Variants in SNTG2 observed in about 807,000 individuals in gnomAD.
SNTG2 encodes the protein gamma-2-syntrophin.
SNTG2 carries 74 observed loss-of-function variants against 70.9 expected under a neutral mutation model. The observed-to-expected ratio is 1.04, with a 90% confidence interval of 0.86 to 1.27. The LOEUF is 1.27. Ranked by LOEUF, SNTG2 falls within the 50% of genes most tolerant of loss-of-function variation. SNTG2 has a pLI of 0.00. For synonymous variants in SNTG2, 278 were observed against 273.8 expected (o/e 1.02, Z -0.15); for missense variants, 717 against 690.7 (o/e 1.04, Z -0.43).
intron 1 of SNTG2, among the ~76,000 whole-genome samples, chr2:1,073,207 T>C (rs1368221730): frequency 6.6e-6 from 1 of 152,230 alleles, no homozygotes; most frequent in Non-Finnish European, 1.5e-5. Context: ...TTGTACTGTG[T>C]GTAAAATTCT....
At chr2:1,183,196 C>A (rs1397442088) in intron 8 of SNTG2, among the ~76,000 whole-genome samples, 2 of 151,962 alleles carry the variant, frequency 1.3e-5, no homozygotes, top group African/African-American at 4.8e-5. Context: ...TTTTATTTTT[C>A]CTTGCTATCC....
At chr2:1,153,053 G>A (rs1171680971) in intron 6 of SNTG2, among the ~76,000 whole-genome samples, 1 of 151,904 alleles carries the variant, frequency 6.6e-6, no homozygotes, top group Admixed American at 6.6e-5. Flanking sequence ...GAACCCAGGA[G>A]GCGGAGGTTG....
chr2:1,012,421 G>A (rs1037413378), intron 1 of SNTG2, among the ~76,000 whole-genome samples: 1 of 152,224 alleles, frequency 6.6e-6, no homozygotes, highest in African/African-American at 2.4e-5. Flanking sequence ...CTACAGCTGG[G>A]TGGGTGGGTA....
At chr2:1,022,874 C>T (rs73908658) in intron 1 of SNTG2, among the ~76,000 whole-genome samples, 4,798 of 152,170 alleles carry the variant, frequency 0.032, 195 homozygotes, top group African/African-American at 0.088. Context: ...AATCCATAGA[C>T]CTTGAGAAAC....
intron 12 of SNTG2, among the ~76,000 whole-genome samples, chr2:1,253,795 C>A (rs933013192): frequency 2.0e-5 from 3 of 152,120 alleles, no homozygotes; most frequent in African/African-American, 7.2e-5. Context: ...AGGAAACTTA[C>A]AGTGTGGCAG....
chr2:1,066,298 A>G (rs1357671916), intron 1 of SNTG2, among the ~76,000 whole-genome samples: 1 of 152,210 alleles, frequency 6.6e-6, no homozygotes, highest in African/African-American at 2.4e-5. Context: ...TGAATATGAC[A>G]AATGAGGCAA....
chr2:1,125,025 A>G (rs1341350938), intron 4 of SNTG2, among the ~76,000 whole-genome samples: 1 of 152,186 alleles, frequency 6.6e-6, no homozygotes, highest in Non-Finnish European at 1.5e-5. Flanking sequence ...TATAGTAACC[A>G]TTTTACTATC....
At chr2:1,348,933 A>G (rs1009039112) in intron 16 of SNTG2, among the ~76,000 whole-genome samples, 1 of 152,216 alleles carries the variant, frequency 6.6e-6, no homozygotes, top group Non-Finnish European at 1.5e-5. Flanking sequence ...CCAGTGGGTT[A>G]TTCTTGACTG....
chr2:1,059,884 A>G (rs917239228), intron 1 of SNTG2, among the ~76,000 whole-genome samples: 8 of 152,228 alleles, frequency 5.3e-5, no homozygotes, highest in Non-Finnish European at 1.0e-4. Flanking sequence ...AAACTAAGAC[A>G]GAGTTATATT....
intron 8 of SNTG2, among the ~76,000 whole-genome samples, chr2:1,184,904 G>A (rs1052400981): frequency 1.5e-4 from 23 of 152,126 alleles, no homozygotes; most frequent in African/African-American, 5.3e-4. Context: ...TTTAACTCAT[G>A]TCAGCATTAA....
intron 4 of SNTG2, among the ~76,000 whole-genome samples, chr2:1,098,623 A>G (rs991127752): frequency 6.6e-6 from 1 of 152,192 alleles, no homozygotes; most frequent in Non-Finnish European, 1.5e-5. Flanking sequence ...GGCCCTTAAG[A>G]GAGACACTAA....
chr2:1,327,653 T>C (rs1378264028), intron 16 of SNTG2, among the ~76,000 whole-genome samples: 1 of 152,210 alleles, frequency 6.6e-6, no homozygotes, highest in Non-Finnish European at 1.5e-5. Context: ...TATTACTGTA[T>C]GTTATGCAGG....
At position 1,095,934 on chromosome 2, in the gene SNTG2, A is replaced by G. The variant is rs568858344; in HGVS notation, c.211-2262A>G. On this transcript the variant is annotated intron_variant, in intron 2 of 16. Coordinates refer to ENST00000308624, the MANE Select transcript of SNTG2 (RefSeq NM_018968.4). ...TGTGGCACACAGAGGAGCAGCTGGC[A>G]GGTGGACGGACGCCTTTCTCCCCAC... Among the ~76,000 whole-genome samples the G allele has an allele frequency of 5.3e-5, 8 of 152,336 alleles. No homozygotes were observed. The East Asian group carries it at 9.7e-4, about 18-fold the overall frequency.
chr2:1,100,270 G>A (rs983753558), intron 4 of SNTG2, among the ~76,000 whole-genome samples: 9 of 151,944 alleles, frequency 5.9e-5, no homozygotes, highest in African/African-American at 1.2e-4. Flanking sequence ...AGGTTCAAGC[G>A]ATTCTTCTGC....
At chr2:1,154,386 G>A (rs1020082334) in intron 6 of SNTG2, among the ~76,000 whole-genome samples, 6 of 152,180 alleles carry the variant, frequency 3.9e-5, no homozygotes, top group African/African-American at 1.2e-4. Flanking sequence ...GCTTTCTGTC[G>A]GAAGATGTTG....
chr2:1,028,176 C>T (rs1213083763), intron 1 of SNTG2, among the ~76,000 whole-genome samples: 1 of 148,814 alleles, frequency 6.7e-6, no homozygotes, highest in Non-Finnish European at 1.5e-5. Context: ...CCCACAATCA[C>T]TATCCAGCAA....
intron 12 of SNTG2, among the ~76,000 whole-genome samples, chr2:1,253,048 C>T (rs1273186677): frequency 1.3e-5 from 2 of 152,110 alleles, no homozygotes; most frequent in East Asian, 3.9e-4. Flanking sequence ...GTATTTTATC[C>T]TGACATAAAC....
At chr2:953,751 GAA>G in intron 1 of SNTG2, among the ~76,000 whole-genome samples, 1 of 152,368 alleles carries the variant, frequency 6.6e-6, no homozygotes, top group East Asian at 1.9e-4. Context: ...GTCCAATTAA[GAA>G]AAGTGTGCCT....
intron 4 of SNTG2, among the ~76,000 whole-genome samples, chr2:1,131,925 T>C (rs540620380): frequency 5.4e-4 from 82 of 152,218 alleles, no homozygotes; most frequent in Admixed American, 7.2e-4. Context: ...GCTGGGATTA[T>C]AGGCGTGAGC....
Sources: allele counts gnomAD v4.1 joint callset (sites outside exome capture counted in the v4.1 genomes callset), GRCh38; gene constraint gnomAD v4.1.1; transcripts MANE v1.5; gene names NCBI Gene and HGNC (gene_info 2026-07-23, HGNC 2026-07-21).